MAP4K5: variants seen among roughly 807,000 people sequenced by gnomAD.
MAP4K5 encodes the protein MAPK/ERK kinase kinase kinase 5.
In MAP4K5, 82 loss-of-function variants were observed where a neutral mutation model predicts 135.6. The ratio of observed to expected loss-of-function variants is 0.60; its 90% confidence interval spans 0.51 to 0.73. MAP4K5 has a LOEUF of 0.73. Ranked by LOEUF, MAP4K5 falls within the 30% of genes least tolerant of loss-of-function variation. The pLI, the probability that MAP4K5 is intolerant of heterozygous loss-of-function variation, is 0.00. For synonymous variants in MAP4K5, 347 were observed against 335.0 expected (o/e 1.04, Z -0.39); for missense variants, 907 against 1,010.9 (o/e 0.90, Z 1.39).
chr14:50,468,559 T>C, intron 10 of MAP4K5, 92 bp downstream of exon 10: 1 of 1,299,482 alleles, frequency 7.7e-7, no homozygotes, highest in Non-Finnish European at 1.1e-6. Flanking sequence ...CTATTTTTCA[T>C]TCTTAAAAAT....
chr14:50,454,012 A>C (rs191362635), intron 14 of MAP4K5, among the ~76,000 whole-genome samples: 2 of 152,306 alleles, frequency 1.3e-5, no homozygotes, highest in East Asian at 1.9e-4. Context: ...ATAATAGCCC[A>C]AAACCAGAAA....
chr14:50,480,871 TG>T (rs1377481958), intron 6 of MAP4K5, among the ~76,000 whole-genome samples: 3 of 152,304 alleles, frequency 2.0e-5, no homozygotes, highest in Admixed American at 6.5e-5. Flanking sequence ...TGACAATTAC[TG>T]TGTATCTAAA....
intron 23 of MAP4K5, among the ~76,000 whole-genome samples, chr14:50,438,601 T>C (rs981408189): frequency 6.6e-6 from 1 of 152,114 alleles, no homozygotes; most frequent in Non-Finnish European, 1.5e-5. Flanking sequence ...ATGGATATGG[T>C]AAACATCATC....
chr14:50,560,366 T>C (rs891908870), intron 1 of MAP4K5: 2 of 1,585,188 alleles, frequency 1.3e-6, no homozygotes, highest in African/African-American at 2.7e-5. Context: ...TCTGCTTCTG[T>C]GGAGACAGGG....
chr14:50,554,820 C>T (rs8014535), intron 1 of MAP4K5, among the ~76,000 whole-genome samples: 135,889 of 152,124 alleles, frequency 0.89, 62,294 homozygotes, highest in Non-Finnish European at 0.99. Context: ...GGGCTGGACT[C>T]GTCTGAGTCA....
intron 2 of MAP4K5, among the ~76,000 whole-genome samples, chr14:50,520,495 T>C (rs908209576): frequency 4.6e-5 from 7 of 152,258 alleles, no homozygotes; most frequent in Admixed American, 3.3e-4. Flanking sequence ...AGCAAGACTC[T>C]GTCTCAAAAA....
At chr14:50,446,173 A>G (rs1256772014) in intron 16 of MAP4K5, 52 bp from the exon 17 acceptor site, 10 of 1,083,434 alleles carry the variant, frequency 9.2e-6, no homozygotes, top group Non-Finnish European at 1.4e-5. Flanking sequence ...CCGTAACCGA[A>G]AACACAGATA....
intron 2 of MAP4K5, among the ~76,000 whole-genome samples, chr14:50,541,351 A>T (rs1266492555): frequency 6.6e-6 from 1 of 152,216 alleles, no homozygotes; most frequent in Non-Finnish European, 1.5e-5. Flanking sequence ...CATACTTTAA[A>T]AAATACCACT....
At chr14:50,453,420 TC>T in intron 14 of MAP4K5, among the ~76,000 whole-genome samples, 1 of 152,274 alleles carries the variant, frequency 6.6e-6, no homozygotes, top group East Asian at 1.9e-4. Flanking sequence ...AAACAATGTT[TC>T]TCCCAAGGAT....
intron 3 of MAP4K5, among the ~76,000 whole-genome samples, chr14:50,503,687 C>G (rs1027786293): frequency 2.0e-5 from 3 of 151,980 alleles, no homozygotes; most frequent in Non-Finnish European, 2.9e-5. Context: ...AAAAATAAGC[C>G]ATACCCTCAA....
rs772656436 is a variant in MAP4K5 at position 50,532,057 on chromosome 14, T to A, written c.-8A>T. On this transcript the variant is annotated 5_prime_UTR_variant, in exon 2 of 33. Transcript: ENST00000682126. The stretch of plus-strand genomic sequence containing the variant: ...CCGCAGCGGGGCCTCCATCTTCACT[T>A]AGGGCCCGGCCCCCGCCAGCTCACC... 6.5e-7 allele frequency: 1 copy of A among 1,531,836 alleles called. No individual in the cohort carries two copies. Among genetic ancestry groups the A allele is most frequent in the South Asian group, 1.2e-5 (1 of 84,406 alleles). The allele number at this position is 1,531,836 out of a possible 1,614,324, so 94.9% of individuals were successfully genotyped here.
chr14:50,520,884 G>A (rs970400455), intron 2 of MAP4K5, among the ~76,000 whole-genome samples: 5 of 147,826 alleles, frequency 3.4e-5, no homozygotes, highest in East Asian at 2.0e-4. Context: ...GTGCAGTGGC[G>A]CGATCTTTGC....
intron 1 of MAP4K5, among the ~76,000 whole-genome samples, chr14:50,549,518 C>G (rs1484951041): frequency 6.6e-6 from 1 of 152,200 alleles, no homozygotes; most frequent in Non-Finnish European, 1.5e-5. Context: ...ATACCTTAAC[C>G]TGTGTGGACA....
At chr14:50,471,595 G>C (rs1320257907) in intron 9 of MAP4K5, among the ~76,000 whole-genome samples, 1 of 152,092 alleles carries the variant, frequency 6.6e-6, no homozygotes, top group Non-Finnish European at 1.5e-5. Flanking sequence ...TAAGAAATGT[G>C]ATAAAGCCCT....
intron 13 of MAP4K5, among the ~76,000 whole-genome samples, chr14:50,461,352 T>A (rs1443575985): frequency 6.6e-6 from 1 of 151,816 alleles, no homozygotes; most frequent in Non-Finnish European, 1.5e-5. Flanking sequence ...TTATAGGAAA[T>A]AATTTAAAGC....
chr14:50,493,757 A>G (rs938279736), intron 3 of MAP4K5, among the ~76,000 whole-genome samples: 1 of 152,088 alleles, frequency 6.6e-6, no homozygotes, highest in Non-Finnish European at 1.5e-5. Flanking sequence ...TAATTCCAGC[A>G]CGGGCAGATC....
chr14:50,450,786 C>T (rs1414166802), intron 14 of MAP4K5, among the ~76,000 whole-genome samples: 1 of 152,004 alleles, frequency 6.6e-6, no homozygotes, highest in Non-Finnish European at 1.5e-5. Flanking sequence ...CTGACACAAG[C>T]CTTGAAAGGA....
chr14:50,478,543 A>T (rs2037159584), intron 6 of MAP4K5, among the ~76,000 whole-genome samples: 2 of 152,108 alleles, frequency 1.3e-5, no homozygotes, highest in African/African-American at 4.8e-5. Context: ...ATTTCCCTAT[A>T]AGTACAGGCT....
intron 2 of MAP4K5, among the ~76,000 whole-genome samples, chr14:50,511,024 T>C (rs555757753): frequency 1.1e-4 from 17 of 152,310 alleles, no homozygotes; most frequent in Non-Finnish European, 2.2e-4. Flanking sequence ...GCAGTCTTTA[T>C]TCACAGTCAC....
Sources: gnomAD v4.1 joint callset for allele counts (sites outside exome capture counted in the v4.1 genomes callset) on GRCh38, gnomAD v4.1.1 for gene constraint, MANE v1.5 for transcripts, NCBI Gene and HGNC (gene_info 2026-07-23, HGNC 2026-07-21) for gene names.